CACTIN: variants seen among roughly 807,000 people sequenced by gnomAD.
CACTIN encodes cactin, spliceosome C complex subunit.
Under a neutral mutation model 84.9 loss-of-function variants are expected in CACTIN, and 20 were observed. The ratio of observed to expected loss-of-function variants is 0.24; its 90% CI spans 0.17 to 0.34. The LOEUF (loss-of-function observed/expected upper bound fraction) is 0.34. CACTIN is among the 10% of genes least tolerant of loss of function. The probability of loss-of-function intolerance (pLI) is 1.00; values close to 1 mark genes in which losing one functional copy is unlikely to be tolerated. For missense variants in CACTIN, 897 were observed against 1,117.2 expected (o/e 0.80, Z 2.81); for synonymous variants, 549 against 467.9 (o/e 1.17, Z -2.24).
In CACTIN at chr19:3,615,721, G is replaced by C. The variant is rs1312892720; in HGVS notation, c.1163-1132C>G. 2.0e-5 allele frequency: 3 copies of C among 152,260 alleles called. No individual in the cohort carries two copies. Among genetic ancestry groups the C allele is most frequent in the Non-Finnish European group, 4.4e-5 (3 of 68,224 alleles). 9.4% of individuals were successfully genotyped at this position (152,260 alleles called of 1,614,324 possible). A position where few individuals can be genotyped will look rare whatever the true frequency, so the allele number is the denominator to read the frequency against. On this transcript the variant is annotated intron_variant, in intron 6 of 9. Coordinates refer to ENST00000429344, the MANE Select transcript of CACTIN (RefSeq NM_001080543.2). This position sits in a 1 kb window ranked among gnomAD's most constrained non-coding sequence, Gnocchi z 5.2. ...TGACCAGTGCAGGCACCCTGCTCGA[G>C]ACCTGCCTTCTCCAGTCCCCGCTGG...
In CACTIN at chr19:3,612,046, G is replaced by A. The variant is rs1437656012; in HGVS notation, c.2154C>T (p.Asp718=). The change falls in exon 10 of 10, where the codon GAC becomes GAT. Residue 718 remains aspartate, a synonymous_variant. Transcript: ENST00000429344. ...CGCGGTTGACGATCTTGAAAGCGAT[G>A]TCCTCGTAGGGCGGCCCCGCGTGGA... The part of the protein sequence containing the change: ...LRFHAGPPYE[D]IAFKIVNREW... The A allele has an allele frequency of 3.7e-6, 6 of 1,613,706 alleles. No individual in the cohort carries two copies. The East Asian group carries it at 1.3e-4, about 36-fold the overall frequency.
chr19:3,620,873 C>A, intron 2 of CACTIN, 71 bp from the exon 3 acceptor site: 2 of 1,218,012 alleles, frequency 1.6e-6, no homozygotes, highest in Non-Finnish European at 2.4e-6. Context: ...CTCCTTCGTC[C>A]AAGAGATTGA....
Position 3,623,962 on chromosome 19 carries a change from C to G in CACTIN, c.368G>C (p.Arg123Pro), listed in dbSNP as rs771249787. The change falls in exon 2 of 10, where the codon CGA becomes CCA. Residue 123 changes from arginine (R) to proline (P), a missense_variant. Arg to Pro is a moderately radical substitution (Grantham distance 103). Transcript: ENST00000429344. ...CGCGGCCGCCCGGGGGCTCTGGGAT[C>G]GCCCTGGAGACGCGGAGCTGGATGC... ...SSASSSASPG[R>P]SQSPRAAAAA... is the part of the protein sequence containing the mutation. The G allele has an allele frequency of 6.2e-7, 1 of 1,603,056 alleles. No homozygotes were observed.
intron 4 of CACTIN, among the ~76,000 whole-genome samples, 188 bp downstream of exon 4, chr19:3,619,939 C>T (rs1444778643): frequency 6.6e-6 from 1 of 152,140 alleles, no homozygotes; most frequent in African/African-American, 2.4e-5. Flanking sequence ...GTCTCCTCTG[C>T]ACCCTGCCCA....
At position 3,624,180 on chromosome 19, in the gene CACTIN, G is replaced by C; in HGVS notation, c.168-18C>G. 12 of 1,532,436 alleles carry C rather than the reference G, an allele frequency of 7.8e-6. No individual in the cohort carries two copies. Among genetic ancestry groups the C allele is most frequent in the Non-Finnish European group, 1.1e-5 (12 of 1,141,380 alleles). The allele number at this position is 1,532,436 out of a possible 1,614,324, so 94.9% of individuals were successfully genotyped here. ...AATCTGACCTGCGGAGAGGACCATG[G>C]ATGCCTGCTCAGTGCCTGCAGCTGT... is the stretch of plus-strand genomic sequence containing the variant. On this transcript the variant is annotated intron_variant, in intron 1 of 9. Coordinates refer to ENST00000429344, the MANE Select transcript of CACTIN (RefSeq NM_001080543.2).
chr19:3,613,310 G>A lies in CACTIN; in HGVS notation c.1534C>T (p.Pro512Ser). 1 of 1,582,880 alleles carries A rather than the reference G, an allele frequency of 6.3e-7. No homozygotes were observed. The highest frequency in any genetic ancestry group is 8.5e-7 in the Non-Finnish European group (1 of 1,170,344). The change falls in exon 9 of 10, where the codon CCC becomes TCC. Residue 512 changes from proline to serine, a missense_variant. Around this residue, in one of 8 missense-constraint regions of CACTIN, gnomAD observed 243 missense variants for 239.9 expected, o/e 1.01. Coordinates refer to ENST00000429344, the MANE Select transcript of CACTIN (RefSeq NM_001080543.2). ...GCGCCGTCCACCTCGGCCTCCGCGG[G>A]GCCGCCCTCCGAGGAGGGCCCGGGC... ...TPPGPSSEGG[P>S]AEAEVDGATP...
At chr19:3,624,878 A>C (rs1462931601) in intron 1 of CACTIN, among the ~76,000 whole-genome samples, 1 of 152,088 alleles carries the variant, frequency 6.6e-6, no homozygotes, top group Non-Finnish European at 1.5e-5. Flanking sequence ...CTAGACACAG[A>C]GTCTACTAGA....
chr19:3,621,717 TG>T (rs1388018853), intron 2 of CACTIN, among the ~76,000 whole-genome samples: 2 of 151,498 alleles, frequency 1.3e-5, no homozygotes, highest in Non-Finnish European at 2.9e-5. Flanking sequence ...TAAAGAACTC[TG>T]GGGGGTCTGG....
In CACTIN at chr19:3,613,331, C is replaced by G. The variant is rs1231606898; in HGVS notation, c.1513G>C (p.Gly505Arg). The G allele has an allele frequency of 6.5e-7, 1 of 1,530,358 alleles. No individual in the cohort carries two copies. Among genetic ancestry groups the G allele is most frequent in the Non-Finnish European group, 8.7e-7 (1 of 1,145,684 alleles). 94.8% of individuals were successfully genotyped at this position (1,530,358 alleles called of 1,614,324 possible). Reference sequence around the variant, plus strand: ...GCGGGGCCGCCCTCCGAGGAGGGCCCGGGCGGGGTGGGCGCCGCGTCCTCA... The same window carrying G: ...GCGGGGCCGCCCTCCGAGGAGGGCCGGGGCGGGGTGGGCGCCGCGTCCTCA... ...EPEDAAPTPP[G>R]PSSEGGPAEA... Residue 505 changes from glycine to arginine, a missense_variant, in exon 9 of 10, where the codon GGG (glycine) becomes CGG (arginine). Gly to Arg is a moderately radical substitution (Grantham distance 125). Coordinates refer to ENST00000429344, the MANE Select transcript of CACTIN (RefSeq NM_001080543.2).
intron 2 of CACTIN, chr19:3,621,157 T>G: frequency 2.5e-6 from 1 of 395,602 alleles, no homozygotes; most frequent in Non-Finnish European, 4.8e-6. Flanking sequence ...TGACTCGCTT[T>G]ACCCGGGAGT....
At chr19:3,620,630 C>A in intron 3 of CACTIN, 77 bp downstream of exon 3, 1 of 1,203,702 alleles carries the variant, frequency 8.3e-7, no homozygotes, top group Non-Finnish European at 1.2e-6. Flanking sequence ...TTAAGCCCCT[C>A]AAGTCCTGCC....
intron 4 of CACTIN, 85 bp downstream of exon 4, chr19:3,620,042 G>C (rs898214543): frequency 6.6e-7 from 1 of 1,507,230 alleles, no homozygotes; most frequent in Non-Finnish European, 9.0e-7. Context: ...CTGAAGGGTG[G>C]GAGAGCAGTG....
At position 3,615,071 on chromosome 19, in the gene CACTIN, GC is replaced by G. The variant is rs769168145; in HGVS notation, c.1163-483del. On this transcript the variant is annotated intron_variant, in intron 6 of 9. Coordinates refer to ENST00000429344, the MANE Select transcript of CACTIN (RefSeq NM_001080543.2). The surrounding 1 kb of genome is among the most constrained non-coding windows in gnomAD (Gnocchi z 5.2). ...CTGTGTGACTGTGGGCAAGTGGCCT[GC>G]CCTTTCTGGGCCTTAGTTTCCCTCT... 1.0e-4 allele frequency: 20 copies of G among 198,350 alleles called. No homozygotes were observed. The highest frequency in any genetic ancestry group is 2.3e-3 in the Middle Eastern group (1 of 440). 12.3% of individuals were successfully genotyped at this position (198,350 alleles called of 1,614,324 possible). A position where few individuals can be genotyped will look rare whatever the true frequency, so the allele number is the denominator to read the frequency against.
At chr19:3,616,254 G>C (rs1231106329) in intron 6 of CACTIN, 5 of 152,186 alleles carry the variant, frequency 3.3e-5, no homozygotes, top group Admixed American at 2.6e-4. Flanking sequence ...CCTCCTGTAG[G>C]GTTAGAACTT....
intron 1 of CACTIN, 41 bp downstream of exon 1, chr19:3,626,555 T>C: frequency 3.7e-6 from 5 of 1,357,214 alleles, no homozygotes; most frequent in East Asian, 3.0e-5. Context: ...GCTCCTGAGG[T>C]AGGAGCCGGA....
At position 3,626,765 on chromosome 19, in the gene CACTIN, G is replaced by A. The variant is rs1435151952; in HGVS notation, c.-3C>T. The A allele has an allele frequency of 7.2e-7, 1 of 1,398,172 alleles. No homozygotes were observed. The highest frequency in any genetic ancestry group is 3.0e-5 in the East Asian group (1 of 33,412). 86.6% of individuals were successfully genotyped at this position (1,398,172 alleles called of 1,614,324 possible). On this transcript the variant is annotated 5_prime_UTR_variant, in exon 1 of 10. Transcript: ENST00000429344. ...CGCGAGCGTGTGTCCCGACCCATCG[G>A]CTGGGCCAGTGGCCGCGGCACCAAC...
chr19:3,620,302 G>A (rs1350304772), intron 3 of CACTIN, 30 bp from the exon 4 acceptor site: 1 of 1,543,534 alleles, frequency 6.5e-7, no homozygotes, highest in South Asian at 1.2e-5. Context: ...AGGGCAGCGG[G>A]GACCGTGCGG....
At chr19:3,626,551 G>A (rs2033338743) in intron 1 of CACTIN, 45 bp downstream of exon 1, 5 of 1,342,252 alleles carry the variant, frequency 3.7e-6, no homozygotes, top group South Asian at 3.6e-5. Flanking sequence ...GGGCGCTCCT[G>A]AGGTAGGAGC....
chr19:3,624,503 G>A (rs1365991603), intron 1 of CACTIN, among the ~76,000 whole-genome samples: 1 of 152,172 alleles, frequency 6.6e-6, no homozygotes, highest in Non-Finnish European at 1.5e-5. Flanking sequence ...GGGAGGCAGC[G>A]ATGGGTGGAT....
Sources: allele counts gnomAD v4.1 joint callset (sites outside exome capture counted in the v4.1 genomes callset), GRCh38; gene constraint gnomAD v4.1.1; regional missense constraint gnomAD v4.1.1; non-coding constraint Gnocchi (gnomAD v3.1); transcripts MANE v1.5; gene names NCBI Gene and HGNC (gene_info 2026-07-23, HGNC 2026-07-21).